ADCY1: variants seen among roughly 807,000 people sequenced by gnomAD.
ADCY1 encodes the protein adenylate cyclase 1.
A neutral mutation model predicts 105.4 loss-of-function variants in ADCY1; 28 were observed. The observed-to-expected ratio is 0.27, with a 90% CI of 0.20 to 0.36. The LOEUF (loss-of-function observed/expected upper bound fraction) is 0.36. Ranked by LOEUF, ADCY1 falls within the 10% of genes least tolerant of loss-of-function variation. The probability of loss-of-function intolerance (pLI) is 1.00; values close to 1 mark genes in which losing one functional copy is unlikely to be tolerated. For synonymous variants in ADCY1, 655 were observed against 623.8 expected (o/e 1.05, Z -0.75); for missense variants, 977 against 1,434.2 (o/e 0.68, Z 5.15).
At chr7:45,665,211 G>A (rs983816933) in intron 8 of ADCY1, among the ~76,000 whole-genome samples, 38 of 152,178 alleles carry the variant, frequency 2.5e-4, no homozygotes, top group African/African-American at 7.7e-4. Context: ...TGATATTTAG[G>A]TTATTTCTGT....
intron 4 of ADCY1, among the ~76,000 whole-genome samples, chr7:45,642,913 A>G (rs952346372): frequency 2.6e-5 from 4 of 152,186 alleles, no homozygotes; most frequent in Non-Finnish European, 5.9e-5. Flanking sequence ...TTATTCAGCT[A>G]TTTGGTTATT....
At position 45,708,445 on chromosome 7, in the gene ADCY1, C is replaced by T. The variant is rs148408027; in HGVS notation, c.2913C>T (p.Asn971=). The change falls in exon 18 of 20, where the codon AAC becomes AAT. Residue 971 remains asparagine, a synonymous_variant. Coordinates refer to ENST00000297323, the MANE Select transcript of ADCY1 (RefSeq NM_021116.4). The surrounding 1 kb of genome is among the most constrained non-coding windows in gnomAD (Gnocchi z 4.7). ...ATGAAATCAACTACCAGTCTTACAA[C>T]GACTTTGTCCTCCGAGTTGGTATGT... ...VLDEINYQSY[N]DFVLRVGINV... 19 of 1,613,836 alleles carry T rather than the reference C, an allele frequency of 1.2e-5. No individual in the cohort carries two copies. The highest frequency in any genetic ancestry group is 5.3e-5 in the African/African-American group (4 of 75,036).
At chr7:45,598,115 A>G (rs758311747) in intron 2 of ADCY1, among the ~76,000 whole-genome samples, 2 of 152,212 alleles carry the variant, frequency 1.3e-5, no homozygotes, top group South Asian at 2.1e-4. Context: ...TCAGCCCTCT[A>G]TATCATGGTT....
At chr7:45,655,357 C>A (rs527904417) in intron 5 of ADCY1, among the ~76,000 whole-genome samples, 67 of 152,200 alleles carry the variant, frequency 4.4e-4, no homozygotes, top group African/African-American at 1.6e-3. Flanking sequence ...GACTCTTCCT[C>A]TGCATAAAAA....
intron 3 of ADCY1, among the ~76,000 whole-genome samples, chr7:45,613,604 A>G (rs1433317694): frequency 6.6e-6 from 1 of 152,192 alleles, no homozygotes; most frequent in Non-Finnish European, 1.5e-5. Context: ...AAATATGAAT[A>G]TGTATACACA....
chr7:45,648,023 A>G (rs1056596593), intron 4 of ADCY1, among the ~76,000 whole-genome samples: 2 of 152,270 alleles, frequency 1.3e-5, no homozygotes, highest in Non-Finnish European at 1.5e-5. Context: ...AAGTAAGACA[A>G]TACAGGGTCT....
At chr7:45,614,383 A>G (rs1455924560) in intron 3 of ADCY1, among the ~76,000 whole-genome samples, 1 of 152,210 alleles carries the variant, frequency 6.6e-6, no homozygotes, top group Non-Finnish European at 1.5e-5. Context: ...AAAAATGGCT[A>G]TAGAAACTAC....
In ADCY1 at chr7:45,717,559, ACTCGTACC is replaced by A. The variant is rs1344766110; in HGVS notation, c.*3565_*3572del. The A allele has an allele frequency of 1.3e-5, 2 of 152,234 alleles. No homozygotes were observed. Among genetic ancestry groups the A allele is most frequent in the Non-Finnish European group, 2.9e-5 (2 of 68,018 alleles). The allele number at this position is 152,234 out of a possible 1,614,324, so 9.4% of individuals were successfully genotyped here. A position where few individuals can be genotyped will look rare whatever the true frequency, so the allele number is the denominator to read the frequency against. On this transcript the variant is annotated 3_prime_UTR_variant, in exon 20 of 20. Transcript: ENST00000297323. ...CACCAGTGACAGGTGCTGCCTGTTT[ACTCGTACC>A]AAAAATGAAGACAAGCCCCACACCC...
chr7:45,647,107 C>T lies in ADCY1; in HGVS notation c.1021-1563C>T, dbSNP rs537187044. ...CCCCTCCTCTGATGCTGGGCGGTGG[C>T]CAGGGCCATCTCTCAAGGTCCCTGC... On this transcript the variant is annotated intron_variant, in intron 4 of 19. Coordinates refer to ENST00000297323, the MANE Select transcript of ADCY1 (RefSeq NM_021116.4). This position sits in a 1 kb window ranked among gnomAD's most constrained non-coding sequence, Gnocchi z 4.6. Among the ~76,000 whole-genome samples the T allele has an allele frequency of 1.3e-5, 2 of 152,342 alleles. No individual in the cohort carries two copies. Among genetic ancestry groups the T allele is most frequent in the African/African-American group, 4.8e-5 (2 of 41,580 alleles).
At chr7:45,711,970 C>CATATTATATTAAATATATATTTTAT (rs1554333339) in intron 19 of ADCY1, among the ~76,000 whole-genome samples, 20 of 102,392 alleles carry the variant, frequency 2.0e-4, no homozygotes, top group South Asian at 5.6e-4. Context: ...TATATAAATA[C>CATATTATATTAAATATATATTTTAT]ATATTATATT....
At position 45,713,819 on chromosome 7, in the gene ADCY1, G is replaced by C; in HGVS notation, c.3184G>C (p.Gly1062Arg). Residue 1062 changes from glycine (G) to arginine (R), a missense_variant, in exon 20 of 20, where the codon GGC becomes CGC. Physicochemically the swap from Gly to Arg is moderately radical, Grantham distance 125. This residue lies in a region of ADCY1 where 78 missense variants were observed against 60.0 expected (regional missense o/e 1.30). Transcript: ENST00000297323. ...YFLEGRTDGN[G>R]SQIRSLGLDR... ...TCTAGAAGGCAGGACTGATGGAAAC[G>C]GCTCCCAAATCAGGTCCCTGGGCTT... 1.3e-6 allele frequency: 1 copy of C among 780,954 alleles called. No homozygotes were observed. Among genetic ancestry groups the C allele is most frequent in the South Asian group, 1.3e-5 (1 of 74,630 alleles). 48.4% of individuals were successfully genotyped at this position (780,954 alleles called of 1,614,324 possible). A position where few individuals can be genotyped will look rare whatever the true frequency, so the allele number is the denominator to read the frequency against.
chr7:45,696,154 T>TGGGATAAAATGTTTACAAAACA lies in ADCY1; in HGVS notation c.2455-7222_2455-7221insGGGATAAAATGTTTACAAAACA, dbSNP rs1428393996. Among the ~76,000 whole-genome samples the TGGGATAAAATGTTTACAAAACA allele has an allele frequency of 7.9e-3, 1,205 of 151,986 alleles. 7 individuals are homozygous for TGGGATAAAATGTTTACAAAACA. Among genetic ancestry groups the TGGGATAAAATGTTTACAAAACA allele is most frequent in the Admixed American group, 0.014 (206 of 15,250 alleles). On this transcript the variant is annotated intron_variant, in intron 14 of 19. Coordinates refer to ENST00000297323, the MANE Select transcript of ADCY1 (RefSeq NM_021116.4). ...GTGTGTGCAATGAAAAATCCAGATT[T>TGGGATAAAATGTTTACAAAACA]TCGGCCGGGCGCCGTGGCTCATGCC...
At chr7:45,669,176 T>G (rs1366784904) in intron 8 of ADCY1, among the ~76,000 whole-genome samples, 1 of 152,218 alleles carries the variant, frequency 6.6e-6, no homozygotes, top group South Asian at 2.1e-4. Flanking sequence ...CGCTAGCTTT[T>G]GAATGTGTTT....
chr7:45,683,679 T>C (rs952121115), intron 11 of ADCY1, among the ~76,000 whole-genome samples: 6 of 152,218 alleles, frequency 3.9e-5, no homozygotes, highest in African/African-American at 1.4e-4. Flanking sequence ...GATGGAGGGC[T>C]GCTGTTCACA....
intron 4 of ADCY1, among the ~76,000 whole-genome samples, chr7:45,627,393 A>T (rs139518583): frequency 2.0e-5 from 3 of 151,938 alleles, no homozygotes; most frequent in South Asian, 4.2e-4. Context: ...AGCTAACCCT[A>T]CTCATTCATC....
At chr7:45,633,531 C>T (rs145350359) in intron 4 of ADCY1, among the ~76,000 whole-genome samples, 22 of 152,246 alleles carry the variant, frequency 1.4e-4, no homozygotes, top group African/African-American at 5.1e-4. Context: ...AGGCCCGGCA[C>T]GGTGGCTCAT....
intron 14 of ADCY1, among the ~76,000 whole-genome samples, chr7:45,694,112 TAATAAA>T (rs1562727151): frequency 9.4e-5 from 3 of 31,784 alleles, no homozygotes; most frequent in African/African-American, 2.7e-4. Context: ...ACTTAGAGTA[TAATAAA>T]AAAAAAAAAA....
chr7:45,639,394 T>C (rs976984005), intron 4 of ADCY1, among the ~76,000 whole-genome samples: 1 of 152,204 alleles, frequency 6.6e-6, no homozygotes, highest in Non-Finnish European at 1.5e-5. Context: ...CAGGGCCCCT[T>C]CTCTGGATGT....
chr7:45,604,646 A>G (rs2115834993), intron 2 of ADCY1, among the ~76,000 whole-genome samples: 1 of 152,174 alleles, frequency 6.6e-6, no homozygotes. Context: ...TGTGTGATCT[A>G]TTTGTGGATT....
Sources: gnomAD v4.1 joint callset for allele counts (sites outside exome capture counted in the v4.1 genomes callset) on GRCh38, gnomAD v4.1.1 for gene constraint, gnomAD v4.1.1 regional missense constraint, Gnocchi (gnomAD v3.1) non-coding constraint, MANE v1.5 for transcripts, NCBI Gene and HGNC (gene_info 2026-07-23, HGNC 2026-07-21) for gene names.